The following NRXN3 variants were observed in gnomAD, a reference collection of about 807,000 sequenced individuals.
The protein encoded by NRXN3 is neurexin 3.
A neutral mutation model predicts 137.6 loss-of-function variants in NRXN3; 32 were observed. The ratio of observed to expected loss-of-function variants is 0.23; its 90% CI spans 0.18 to 0.31. The LOEUF is 0.31. Among genes scored for constraint, NRXN3 ranks in the 10% least tolerant of loss-of-function variants. NRXN3 has a pLI of 1.00. For synonymous variants in NRXN3, 798 were observed against 784.5 expected (o/e 1.02, Z -0.29); for missense variants, 1,574 against 2,062.5 (o/e 0.76, Z 4.59).
intron 15 of NRXN3, among the ~76,000 whole-genome samples, chr14:79,347,768 A>G (rs960145180): frequency 2.6e-5 from 4 of 152,182 alleles, no homozygotes; most frequent in African/African-American, 9.7e-5. Context: ...GTATTGACAC[A>G]GAAATGCTGA....
chr14:78,783,776 C>T (rs2098778633), intron 8 of NRXN3, among the ~76,000 whole-genome samples: 2 of 151,948 alleles, frequency 1.3e-5, no homozygotes, highest in African/African-American at 2.4e-5. Flanking sequence ...AAAGTACACA[C>T]AAAAAACAGT....
At chr14:79,711,435 T>A (rs1022357417) in intron 19 of NRXN3, among the ~76,000 whole-genome samples, 1 of 151,788 alleles carries the variant, frequency 6.6e-6, no homozygotes, top group Non-Finnish European at 1.5e-5. Flanking sequence ...ATTCACATAG[T>A]TTATTTTTAG....
At chr14:78,588,804 C>T (rs1345786046) in intron 4 of NRXN3, among the ~76,000 whole-genome samples, 3 of 152,188 alleles carry the variant, frequency 2.0e-5, no homozygotes, top group Non-Finnish European at 4.4e-5. Flanking sequence ...ATCCAGCTGC[C>T]TTGGCTCACA....
intron 15 of NRXN3, among the ~76,000 whole-genome samples, chr14:79,026,976 A>AAT (rs1182109704): frequency 1.6e-4 from 1 of 6,208 alleles, no homozygotes; most frequent in African/African-American, 2.0e-4. Context: ...ATATATATAT[A>AAT]TATATATATA....
intron 10 of NRXN3, among the ~76,000 whole-genome samples, chr14:78,909,260 T>A (rs1402763489): frequency 6.6e-6 from 1 of 152,086 alleles, no homozygotes; most frequent in Non-Finnish European, 1.5e-5. Context: ...CAAAGTACAA[T>A]CAAAGCAATG....
intron 4 of NRXN3, among the ~76,000 whole-genome samples, chr14:78,386,459 G>A (rs1484431871): frequency 4.6e-5 from 7 of 152,056 alleles, no homozygotes; most frequent in Admixed American, 6.5e-5. Context: ...GAAGAGTGTC[G>A]CTTATAGCAT....
chr14:79,083,639 T>TA (rs532434413), intron 15 of NRXN3, among the ~76,000 whole-genome samples: 2 of 152,220 alleles, frequency 1.3e-5, no homozygotes, highest in Non-Finnish European at 2.9e-5. Flanking sequence ...TTTTCCTATG[T>TA]AAAAAATAGG....
At chr14:79,593,594 G>C (rs2097830885) in intron 16 of NRXN3, among the ~76,000 whole-genome samples, 1 of 132,578 alleles carries the variant, frequency 7.5e-6, no homozygotes, top group African/African-American at 3.0e-5. Context: ...TGGCGCCACT[G>C]CACTCCAGCC....
chr14:79,438,106 G>A (rs2095872769), intron 15 of NRXN3, among the ~76,000 whole-genome samples: 2 of 152,148 alleles, frequency 1.3e-5, no homozygotes, highest in Non-Finnish European at 2.9e-5. Flanking sequence ...ACTCGGGTAG[G>A]TGCAAGGTGT....
At chr14:78,292,691 A>C (rs1276433738) in intron 3 of NRXN3, among the ~76,000 whole-genome samples, 4 of 152,224 alleles carry the variant, frequency 2.6e-5, no homozygotes, top group African/African-American at 9.6e-5. Flanking sequence ...ATGGTGCTGC[A>C]TTTTGAGTCA....
chr14:79,192,770 T>C lies in NRXN3; in HGVS notation c.3262+204629T>C, dbSNP rs1287037078. Among the ~76,000 whole-genome samples the C allele has an allele frequency of 3.3e-3, 469 of 142,858 alleles. 3 individuals are homozygous for C. Among genetic ancestry groups the C allele is most frequent in the Non-Finnish European group, 4.6e-3 (300 of 65,160 alleles). 93.7% of individuals were successfully genotyped at this position (142,858 alleles called of 152,430 possible). A position where few individuals can be genotyped will look rare whatever the true frequency, so the allele number is the denominator to read the frequency against. ...AGACATGTACAATTCTCTTAATTTT[T>C]TTTTTTTTTTTTTTTTTTGAGACAG... is the stretch of plus-strand genomic sequence containing the variant. On this transcript the variant is annotated intron_variant, in intron 15 of 20. Coordinates refer to ENST00000335750, the MANE Select transcript of NRXN3 (RefSeq NM_001330195.2).
At chr14:78,952,727 A>G (rs2099389436) in intron 10 of NRXN3, among the ~76,000 whole-genome samples, 1 of 152,180 alleles carries the variant, frequency 6.6e-6, no homozygotes, top group Non-Finnish European at 1.5e-5. Context: ...TATGCATTGT[A>G]GAAATTTTGG....
chr14:79,527,187 G>A (rs558645760), intron 16 of NRXN3, among the ~76,000 whole-genome samples: 15 of 151,650 alleles, frequency 9.9e-5, no homozygotes, highest in Admixed American at 3.3e-4. Context: ...CTAGCTACTC[G>A]GGAGGCTGAG....
intron 17 of NRXN3, among the ~76,000 whole-genome samples, chr14:79,685,183 A>G (rs2098689782): frequency 6.6e-6 from 1 of 152,280 alleles, no homozygotes; most frequent in African/African-American, 2.4e-5. Context: ...CAAATCATAT[A>G]TTGAGGGATT....
At chr14:79,638,267 C>T (rs1366819804) in intron 16 of NRXN3, among the ~76,000 whole-genome samples, 3 of 152,016 alleles carry the variant, frequency 2.0e-5, no homozygotes, top group Non-Finnish European at 4.4e-5. Flanking sequence ...TGTTGTTTTC[C>T]TTGATAATGT....
Position 79,131,677 on chromosome 14 carries a change from A to C in NRXN3, c.3262+143536A>C, listed in dbSNP as rs181649188. On this transcript the variant is annotated intron_variant, in intron 15 of 20. Transcript: ENST00000335750. ...AGAGGTGGAGCCTACAGAGGCAGGCAGGCCTCCTTGAGCTGTGGTTGGCTC... is the reference window on the plus strand; with the variant it reads ...AGAGGTGGAGCCTACAGAGGCAGGCCGGCCTCCTTGAGCTGTGGTTGGCTC... 1.5e-3 allele frequency among the ~76,000 whole-genome samples: 229 copies of C among 152,334 alleles called. 8 individuals are homozygous for C. In the East Asian group the frequency reaches 0.033, roughly 22 times the overall value.
At chr14:79,026,343 C>T (rs922372742) in intron 15 of NRXN3, among the ~76,000 whole-genome samples, 1 of 152,066 alleles carries the variant, frequency 6.6e-6, no homozygotes, top group Non-Finnish European at 1.5e-5. Context: ...AGACAGATTT[C>T]CTCATCTAAA....
chr14:78,936,694 AT>A (rs1213651121), intron 10 of NRXN3, among the ~76,000 whole-genome samples: 1 of 152,202 alleles, frequency 6.6e-6, no homozygotes, highest in Non-Finnish European at 1.5e-5. Flanking sequence ...TTATACTTCA[AT>A]TTAAAAGAAA....
intron 16 of NRXN3, among the ~76,000 whole-genome samples, chr14:79,633,074 T>C (rs1302137039): frequency 6.6e-6 from 1 of 152,102 alleles, no homozygotes; most frequent in East Asian, 1.9e-4. Context: ...TAATTGGCAG[T>C]GTTAGGATTT....
Sources: gnomAD v4.1 joint callset for allele counts (sites outside exome capture counted in the v4.1 genomes callset) on GRCh38, gnomAD v4.1.1 for gene constraint, MANE v1.5 for transcripts, NCBI Gene and HGNC (gene_info 2026-07-23, HGNC 2026-07-21) for gene names.